The following NXPH2 variants were observed in gnomAD, a reference collection of about 807,000 sequenced individuals.
NXPH2 encodes neurexophilin-2.
In NXPH2, 5 loss-of-function variants were observed where a neutral mutation model predicts 19.8. The observed-to-expected ratio is 0.25, with a 90% CI of 0.13 to 0.53. NXPH2 has a LOEUF of 0.53. Ranked by LOEUF, NXPH2 falls within the 20% of genes least tolerant of loss-of-function variation. The pLI, the probability that NXPH2 is intolerant of heterozygous loss-of-function variation, is 0.96. For synonymous variants in NXPH2, 154 were observed against 127.4 expected, an observed-to-expected ratio of 1.21 and a Z score of -1.41; for missense variants, 289 against 322.8, an observed-to-expected ratio of 0.90 and a Z score of 0.80.
intron 1 of NXPH2, among the ~76,000 whole-genome samples, chr2:138,714,271 A>G (rs1046179255): frequency 2.0e-5 from 3 of 152,162 alleles, no homozygotes; most frequent in African/African-American, 7.2e-5. Flanking sequence ...GATCCCTACA[A>G]GTAGTTATAT....
intron 1 of NXPH2, among the ~76,000 whole-genome samples, chr2:138,732,405 A>G (rs771244569): frequency 6.6e-6 from 1 of 152,166 alleles, no homozygotes; most frequent in Non-Finnish European, 1.5e-5. Flanking sequence ...ATGGTTAGGT[A>G]AGGAGGACAA....
chr2:138,701,526 C>T (rs1434294356), intron 1 of NXPH2, among the ~76,000 whole-genome samples: 1 of 152,078 alleles, frequency 6.6e-6, no homozygotes, highest in Non-Finnish European at 1.5e-5. Context: ...AAAAGAAGGG[C>T]TGTTCACTGA....
chr2:138,757,243 A>C (rs1167435132), intron 1 of NXPH2, among the ~76,000 whole-genome samples: 1 of 152,184 alleles, frequency 6.6e-6, no homozygotes, highest in Non-Finnish European at 1.5e-5. Context: ...AGGCTGAACT[A>C]CATTTCTCAG....
At chr2:138,689,343 T>C (rs1680710447) in intron 1 of NXPH2, among the ~76,000 whole-genome samples, 1 of 151,242 alleles carries the variant, frequency 6.6e-6, no homozygotes. Context: ...AGGAGGAGAG[T>C]GGTTGGGTTT....
intron 1 of NXPH2, among the ~76,000 whole-genome samples, chr2:138,712,650 A>G (rs1024713606): frequency 6.6e-6 from 1 of 152,170 alleles, no homozygotes; most frequent in African/African-American, 2.4e-5. Context: ...TAACTCCCAG[A>G]AGGCAATGCT....
At position 138,694,231 on chromosome 2, in the gene NXPH2, A is replaced by C. The variant is rs936270445; in HGVS notation, c.52-22566T>G. Among the ~76,000 whole-genome samples the C allele has an allele frequency of 2.0e-5, 3 of 152,180 alleles. No individual in the cohort carries two copies. In the East Asian group the frequency reaches 5.8e-4, roughly 29 times the overall value. ...ACCGCTTTTGGTTTGATGCCTCCCA[A>C]CTGAGGAACTGTTGTTTACACAAAT... On this transcript the variant is annotated intron_variant, in intron 1 of 1. Coordinates refer to ENST00000272641, the MANE Select transcript of NXPH2 (RefSeq NM_007226.3).
intron 1 of NXPH2, among the ~76,000 whole-genome samples, chr2:138,771,622 GAA>G (rs953615989): frequency 6.6e-6 from 1 of 152,184 alleles, no homozygotes; most frequent in African/African-American, 2.4e-5. Flanking sequence ...GAAAGAATGG[GAA>G]AAAAGTCATG....
At chr2:138,752,609 A>T (rs971623748) in intron 1 of NXPH2, among the ~76,000 whole-genome samples, 1 of 152,034 alleles carries the variant, frequency 6.6e-6, no homozygotes. Flanking sequence ...ACCAATATTG[A>T]TATATTATTA....
intron 1 of NXPH2, among the ~76,000 whole-genome samples, chr2:138,716,745 T>C (rs1402810343): frequency 6.6e-6 from 1 of 152,202 alleles, no homozygotes; most frequent in East Asian, 1.9e-4. Flanking sequence ...AAAAGCGGCA[T>C]GACACAGTGG....
intron 1 of NXPH2, among the ~76,000 whole-genome samples, chr2:138,763,714 A>C (rs1682050845): frequency 6.6e-6 from 1 of 152,184 alleles, no homozygotes. Context: ...CCATACTGTA[A>C]GGAAAGGAAA....
At chr2:138,759,727 AC>A (rs1681976534) in intron 1 of NXPH2, among the ~76,000 whole-genome samples, 1 of 128,332 alleles carries the variant, frequency 7.8e-6, no homozygotes, top group Admixed American at 8.4e-5. Context: ...CTCCTATGCC[AC>A]CTTTTTTTTT....
intron 1 of NXPH2, among the ~76,000 whole-genome samples, chr2:138,686,249 T>TG (rs1368901889): frequency 6.6e-6 from 1 of 152,134 alleles, no homozygotes; most frequent in African/African-American, 2.4e-5. Context: ...GATCTCCTAG[T>TG]GGGGTCTTCT....
At chr2:138,732,318 A>C (rs530846928) in intron 1 of NXPH2, among the ~76,000 whole-genome samples, 2 of 152,342 alleles carry the variant, frequency 1.3e-5, no homozygotes, top group South Asian at 4.1e-4. Flanking sequence ...AAAGTCGAGA[A>C]GCTCTCCTGG....
chr2:138,769,926 G>A (rs17599405), intron 1 of NXPH2, among the ~76,000 whole-genome samples: 8,211 of 152,124 alleles, frequency 0.054, 304 homozygotes, highest in South Asian at 0.086. Context: ...AAAACAGGGC[G>A]CAAATTCACA....
intron 1 of NXPH2, among the ~76,000 whole-genome samples, chr2:138,719,984 A>G (rs1163641626): frequency 1.3e-5 from 2 of 152,198 alleles, no homozygotes; most frequent in South Asian, 4.1e-4. Flanking sequence ...TACTACATGT[A>G]CCACCTCATT....
chr2:138,678,566 C>T (rs1680521870), intron 1 of NXPH2, among the ~76,000 whole-genome samples: 1 of 151,980 alleles, frequency 6.6e-6, no homozygotes, highest in Non-Finnish European at 1.5e-5. Flanking sequence ...AAAATAACCT[C>T]AGAGTTGTTT....
At position 138,700,792 on chromosome 2, in the gene NXPH2, A is replaced by G. The variant is rs114622294; in HGVS notation, c.52-29127T>C. On this transcript the variant is annotated intron_variant, in intron 1 of 1. Transcript: ENST00000272641. Reference sequence around the variant, plus strand: ...GAGATTTCGCTTTACATTTGCTAAGACTGGTTCATTAAAATACTAATCTTA... The same window carrying G: ...GAGATTTCGCTTTACATTTGCTAAGGCTGGTTCATTAAAATACTAATCTTA... 2.9e-3 allele frequency among the ~76,000 whole-genome samples: 448 copies of G among 151,904 alleles called. 1 individual carries two copies. The highest frequency in any genetic ancestry group is 1.0e-2 in the African/African-American group (414 of 41,432).
chr2:138,712,531 C>A (rs974719854), intron 1 of NXPH2, among the ~76,000 whole-genome samples: 2 of 152,308 alleles, frequency 1.3e-5, no homozygotes, highest in African/African-American at 4.8e-5. Context: ...TACTAAGGAG[C>A]CTTCAAGTGC....
chr2:138,730,189 C>T (rs973865547), intron 1 of NXPH2, among the ~76,000 whole-genome samples: 1 of 144,102 alleles, frequency 6.9e-6, no homozygotes, highest in Non-Finnish European at 1.5e-5. Flanking sequence ...TCCCCCACCC[C>T]ACCCTTTTTT....
Sources: allele counts gnomAD v4.1 joint callset (sites outside exome capture counted in the v4.1 genomes callset), GRCh38; gene constraint gnomAD v4.1.1; transcripts MANE v1.5; gene names NCBI Gene and HGNC (gene_info 2026-07-23, HGNC 2026-07-21).